The following CTTNBP2 variants were observed in gnomAD, a reference collection of about 807,000 sequenced individuals.
CTTNBP2 encodes cortactin binding protein 2.
In CTTNBP2, 108 loss-of-function variants were observed where a neutral mutation model predicts 156.9. The observed-to-expected ratio is 0.69, with a 90% confidence interval of 0.59 to 0.81. CTTNBP2 has a LOEUF of 0.81. Among genes scored for constraint, CTTNBP2 ranks in the 30% least tolerant of loss-of-function variants. The pLI, the probability that CTTNBP2 is intolerant of heterozygous loss-of-function variation, is 0.00. For missense variants in CTTNBP2, 1,924 were observed against 2,035.4 expected, an observed-to-expected ratio of 0.95 and a Z score of 1.05; for synonymous variants, 767 against 751.8, an observed-to-expected ratio of 1.02 and a Z score of -0.33.
At chr7:117,768,581 A>AAAAGAAAAAG (rs1554419710) in intron 8 of CTTNBP2, among the ~76,000 whole-genome samples, 2 of 99,112 alleles carry the variant, frequency 2.0e-5, no homozygotes, top group African/African-American at 9.5e-5. Flanking sequence ...AAAAAAAAAA[A>AAAAGAAAAAG]AAAGAAAGAA....
intron 10 of CTTNBP2, among the ~76,000 whole-genome samples, chr7:117,758,414 A>C: frequency 6.9e-6 from 1 of 145,586 alleles, no homozygotes; most frequent in African/African-American, 2.6e-5. Flanking sequence ...GATTCCAGGA[A>C]AAAAAAAAAA....
intron 21 of CTTNBP2, among the ~76,000 whole-genome samples, chr7:117,718,461 T>TTTGTTTCCAACAAAGTTAAATAA (rs1490472627): frequency 1.3e-5 from 2 of 152,240 alleles, no homozygotes; most frequent in Admixed American, 1.3e-4. Context: ...GGATATATAC[T>TTTGTTTCCAACAAAGTTAAATAA]TTGTTTCCAA....
At chr7:117,813,304 A>C (rs868579148) in intron 2 of CTTNBP2, among the ~76,000 whole-genome samples, 26 of 152,204 alleles carry the variant, frequency 1.7e-4, no homozygotes, top group Admixed American at 1.0e-3. Context: ...ACCCACTGCA[A>C]AATGAAGACA....
chr7:117,848,988 T>C (rs1802769360), intron 2 of CTTNBP2, among the ~76,000 whole-genome samples: 1 of 152,234 alleles, frequency 6.6e-6, no homozygotes, highest in South Asian at 2.1e-4. Context: ...AAAGCTCCTT[T>C]AGTGCTATTT....
At position 117,718,028 on chromosome 7, in the gene CTTNBP2, A is replaced by G; in HGVS notation, c.4736T>C (p.Val1579Ala). The change falls in exon 22 of 23, where the codon GTG becomes GCG. Residue 1579 changes from valine (V) to alanine (A), a missense_variant. By Grantham distance (64) the Val-to-Ala change is moderately conservative (BLOSUM62 0). Coordinates refer to ENST00000160373, the MANE Select transcript of CTTNBP2 (RefSeq NM_033427.3). The stretch of plus-strand genomic sequence containing the variant: ...GAAAGGGACACTTACCTTTTGTGAC[A>G]CTGGCATTCTCAGATTATTAATAGT... ...SATINNLRMP[V>A]SQKEVSPLSS... 6.2e-7 allele frequency: 1 copy of G among 1,603,432 alleles called. No homozygotes were observed. The highest frequency in any genetic ancestry group is 8.5e-7 in the Non-Finnish European group (1 of 1,170,288).
chr7:117,757,505 GTATTAAGCAT>G (rs551532064), intron 11 of CTTNBP2, among the ~76,000 whole-genome samples: 513 of 134,476 alleles, frequency 3.8e-3, no homozygotes, highest in Non-Finnish European at 6.5e-3. Flanking sequence ...CGTGATCATC[GTATTAAGCAT>G]TATTAAGCAC....
At position 117,711,799 on chromosome 7, in the gene CTTNBP2, A is replaced by G; in HGVS notation, c.4747-17T>C. ...ACTGACCTCCTGTAAGAGACAAGAA[A>G]CCACACAAGTTTATCACAAACTTCT... On this transcript the variant is annotated splice_polypyrimidine_tract_variant and intron_variant, in intron 22 of 22. Coordinates refer to ENST00000160373, the MANE Select transcript of CTTNBP2 (RefSeq NM_033427.3). 1 of 1,597,294 alleles carries G rather than the reference A, an allele frequency of 6.3e-7. No individual in the cohort carries two copies. Among genetic ancestry groups the G allele is most frequent in the East Asian group, 2.2e-5 (1 of 44,598 alleles).
Position 117,711,495 on chromosome 7 carries a change from G to A in CTTNBP2, c.*42C>T, listed in dbSNP as rs763442723. The stretch of plus-strand genomic sequence containing the variant: ...GTATCTTGTTGTCCTTGGTTTCTGT[G>A]TGAAATAGAGGAAGTTAATAATGAG... On this transcript the variant is annotated 3_prime_UTR_variant, in exon 23 of 23. Transcript: ENST00000160373. 1 of 1,570,778 alleles carries A rather than the reference G, an allele frequency of 6.4e-7. No individual in the cohort carries two copies. Among genetic ancestry groups the A allele is most frequent in the Non-Finnish European group, 8.6e-7 (1 of 1,160,554 alleles).
chr7:117,724,605 G>A lies in CTTNBP2; in HGVS notation c.4389C>T (p.Arg1463=). 1 of 1,614,092 alleles carries A rather than the reference G, an allele frequency of 6.2e-7. No homozygotes were observed. The highest frequency in any genetic ancestry group is 8.5e-7 in the Non-Finnish European group (1 of 1,180,036). Residue 1463 remains arginine, a synonymous_variant, in exon 19 of 23, where the codon CGC becomes CGT. Transcript: ENST00000160373. ...GAWRKVNTSP[R]RKSGRFSLPT... is the part of the protein sequence containing the mutation. The stretch of plus-strand genomic sequence containing the variant: ...GTAAAGAGAAGCGGCCAGACTTCCT[G>A]CGAGGACTGGTGTTCACCTTTCTCC...
chr7:117,800,394 A>C (rs1799545504), intron 3 of CTTNBP2, among the ~76,000 whole-genome samples: 1 of 152,082 alleles, frequency 6.6e-6, no homozygotes, highest in Non-Finnish European at 1.5e-5. Flanking sequence ...GTGGTGATGG[A>C]AATATTCTAT....
chr7:117,733,332 AAG>A (rs764610956), intron 16 of CTTNBP2, among the ~76,000 whole-genome samples: 1 of 152,220 alleles, frequency 6.6e-6, no homozygotes, highest in African/African-American at 2.4e-5. Context: ...CGCAATGGAA[AAG>A]AGAGTGAACC....
At chr7:117,842,751 TTC>T (rs199896767) in intron 2 of CTTNBP2, among the ~76,000 whole-genome samples, 4,729 of 152,264 alleles carry the variant, frequency 0.031, 256 homozygotes, top group African/African-American at 0.11. Context: ...AAGAAATTAT[TTC>T]TGTGTCTATA....
intron 16 of CTTNBP2, among the ~76,000 whole-genome samples, chr7:117,734,172 G>A (rs1167549182): frequency 6.6e-6 from 1 of 152,180 alleles, no homozygotes; most frequent in Non-Finnish European, 1.5e-5. Flanking sequence ...GGTTATGTGA[G>A]GGGGAAAATC....
At chr7:117,815,715 G>C (rs1800536294) in intron 2 of CTTNBP2, among the ~76,000 whole-genome samples, 1 of 152,192 alleles carries the variant, frequency 6.6e-6, no homozygotes, top group East Asian at 1.9e-4. Context: ...TGAGGAACTA[G>C]AGATGATATG....
At chr7:117,763,264 T>C (rs1797301650) in intron 9 of CTTNBP2, among the ~76,000 whole-genome samples, 1 of 152,188 alleles carries the variant, frequency 6.6e-6, no homozygotes, top group Non-Finnish European at 1.5e-5. Flanking sequence ...TCAATAAGCA[T>C]ATGTTCAATG....
intron 2 of CTTNBP2, among the ~76,000 whole-genome samples, chr7:117,820,515 TTTAAGTTC>T (rs1800894980): frequency 6.6e-6 from 1 of 152,230 alleles, no homozygotes; most frequent in South Asian, 2.1e-4. Flanking sequence ...ATATTTAGCT[TTTAAGTTC>T]ATGATCCACT....
At chr7:117,730,994 A>G (rs1795369686) in intron 16 of CTTNBP2, among the ~76,000 whole-genome samples, 1 of 152,166 alleles carries the variant, frequency 6.6e-6, no homozygotes, top group Non-Finnish European at 1.5e-5. Flanking sequence ...TTAAAATGGT[A>G]ACTGAGTTTA....
At chr7:117,787,017 A>C (rs1798737689) in intron 4 of CTTNBP2, among the ~76,000 whole-genome samples, 1 of 152,182 alleles carries the variant, frequency 6.6e-6, no homozygotes. Context: ...ATAAATACCA[A>C]GTATTTTAAA....
chr7:117,817,361 A>ATAAATATATATAT lies in CTTNBP2; in HGVS notation c.190-6373_190-6372insATATATATATTTA, dbSNP rs1298639361. On this transcript the variant is annotated intron_variant, in intron 2 of 22. Coordinates refer to ENST00000160373, the MANE Select transcript of CTTNBP2 (RefSeq NM_033427.3). ...AAAAAAAAAAAAAAAAAAAAAAAAA[A>ATAAATATATATAT]ATATATATATATATATATATATATA... 6.2e-4 allele frequency among the ~76,000 whole-genome samples: 33 copies of ATAAATATATATAT among 53,302 alleles called. 1 individual carries two copies. The highest frequency in any genetic ancestry group is 1.6e-3 in the Admixed American group (6 of 3,710). The allele number at this position is 53,302 out of a possible 152,430, so 35.0% of individuals were successfully genotyped here. A position where few individuals can be genotyped will look rare whatever the true frequency, so the allele number is the denominator to read the frequency against.
Sources: allele counts gnomAD v4.1 joint callset (sites outside exome capture counted in the v4.1 genomes callset), GRCh38; gene constraint gnomAD v4.1.1; transcripts MANE v1.5; gene names NCBI Gene and HGNC (gene_info 2026-07-23, HGNC 2026-07-21).